Variants in DNAAF9 observed in about 807,000 individuals in gnomAD.
The protein encoded by DNAAF9 is shulin.
A neutral mutation model predicts 167.0 loss-of-function variants in DNAAF9; 90 were observed. That is an observed-to-expected ratio of 0.54 (90% confidence interval 0.45 to 0.64). The LOEUF (loss-of-function observed/expected upper bound fraction) is 0.64, where lower values mean the gene tolerates loss of function less well. Among genes scored for constraint, DNAAF9 ranks in the 30% least tolerant of loss-of-function variants. DNAAF9 has a pLI of 0.00. For missense variants in DNAAF9, 1,315 were observed against 1,442.2 expected (o/e 0.91, Z 1.43); for synonymous variants, 491 against 508.8 (o/e 0.96, Z 0.47).
chr20:3,365,775 T>C (rs1264668689), intron 6 of DNAAF9, among the ~76,000 whole-genome samples: 1 of 152,208 alleles, frequency 6.6e-6, no homozygotes, highest in Non-Finnish European at 1.5e-5. Context: ...ATTAACTAAG[T>C]TTGCAGAATA....
At chr20:3,385,274 A>G (rs1266385836) in intron 1 of DNAAF9, among the ~76,000 whole-genome samples, 1 of 152,154 alleles carries the variant, frequency 6.6e-6, no homozygotes, top group Non-Finnish European at 1.5e-5. Context: ...GACAGAAAGA[A>G]AACTGTTCCT....
intron 29 of DNAAF9, among the ~76,000 whole-genome samples, chr20:3,275,018 G>A (rs2068654917): frequency 1.3e-5 from 2 of 152,348 alleles, no homozygotes; most frequent in South Asian, 4.1e-4. Flanking sequence ...GGCTGCAGAT[G>A]AGGCAGCAAA....
intron 20 of DNAAF9, chr20:3,306,931 G>A: frequency 1.0e-6 from 1 of 985,264 alleles, no homozygotes; most frequent in Non-Finnish European, 1.2e-6. Context: ...GGTAGAAACT[G>A]CTCCTGCTGC....
chr20:3,372,145 T>C (rs2083518627), intron 6 of DNAAF9, among the ~76,000 whole-genome samples: 1 of 152,200 alleles, frequency 6.6e-6, no homozygotes, highest in Non-Finnish European at 1.5e-5. Flanking sequence ...AATTAAGTTA[T>C]TAAGTATAGC....
intron 6 of DNAAF9, among the ~76,000 whole-genome samples, chr20:3,372,888 AG>A (rs2083529691): frequency 6.6e-6 from 1 of 152,242 alleles, no homozygotes; most frequent in Non-Finnish European, 1.5e-5. Context: ...ACTCAGACCT[AG>A]TTCATACAAT....
In DNAAF9 at chr20:3,316,749, C is replaced by T. The variant is rs188316713; in HGVS notation, c.1513G>A (p.Ala505Thr). Residue 505 changes from alanine (A) to threonine (T), a missense_variant, in exon 18 of 37, where the codon GCT (alanine) becomes ACT (threonine). Coordinates refer to ENST00000252032, the MANE Select transcript of DNAAF9 (RefSeq NM_001009984.3). ...AGCCAGGAGCAGAATCTGGGTACAG[C>T]AGCAGTCAGGACTACGGAGCTGGTT... ...TETSSVVLTA[A>T]VPRFCSWLVE... is the part of the protein sequence containing the mutation. The T allele has an allele frequency of 2.0e-5, 33 of 1,613,838 alleles. No homozygotes were observed. The highest frequency in any genetic ancestry group is 1.6e-4 in the Middle Eastern group (1 of 6,062).
chr20:3,281,219 G>C (rs1212913690), intron 28 of DNAAF9, among the ~76,000 whole-genome samples: 3 of 151,702 alleles, frequency 2.0e-5, no homozygotes, highest in African/African-American at 4.9e-5. Flanking sequence ...AGTAGAAATG[G>C]GATTTTGTCA....
Position 3,266,568 on chromosome 20 carries a change from C to G in DNAAF9, c.2787-2044G>C, listed in dbSNP as rs554732700. Reference sequence around the variant, plus strand: ...TCTCGGCCCACTGCAAGCTCCGCCTCCCAGGTTTACGCCATTCTCCTGCCT... The same window carrying G: ...TCTCGGCCCACTGCAAGCTCCGCCTGCCAGGTTTACGCCATTCTCCTGCCT... On this transcript the variant is annotated intron_variant, in intron 30 of 36. Transcript: ENST00000252032. Among the ~76,000 whole-genome samples, 27 of 152,230 alleles carry G rather than the reference C, an allele frequency of 1.8e-4. No homozygotes were observed. In the Middle Eastern group the frequency reaches 0.02, roughly 115 times the overall value.
intron 3 of DNAAF9, among the ~76,000 whole-genome samples, chr20:3,378,875 T>C (rs6084359): frequency 0.74 from 111,484 of 149,820 alleles, 41,723 homozygotes; most frequent in African/African-American, 0.82. Flanking sequence ...GCCCCATGCC[T>C]GTAAGGCCCA....
chr20:3,278,853 T>C, intron 29 of DNAAF9, 59 bp downstream of exon 29: 5 of 1,223,322 alleles, frequency 4.1e-6, no homozygotes, highest in Non-Finnish European at 6.1e-6. Context: ...GAAAAGTCTA[T>C]TGCTGAATTC....
chr20:3,289,186 G>A (rs6037534), intron 26 of DNAAF9, among the ~76,000 whole-genome samples: 38,008 of 151,978 alleles, frequency 0.25, 5,343 homozygotes, highest in African/African-American at 0.37. Flanking sequence ...ACCTCTAAAA[G>A]CTTTTTTAAA....
At chr20:3,263,293 A>G (rs1044135122) in intron 31 of DNAAF9, among the ~76,000 whole-genome samples, 14 of 152,182 alleles carry the variant, frequency 9.2e-5, no homozygotes, top group African/African-American at 3.4e-4. Context: ...TTTGTTACGA[A>G]AAAAGTTGGT....
At chr20:3,401,219 T>G (rs2083978740) in intron 1 of DNAAF9, among the ~76,000 whole-genome samples, 1 of 152,036 alleles carries the variant, frequency 6.6e-6, no homozygotes, top group South Asian at 2.1e-4. Context: ...TTTTTTTTTA[T>G]TTTTGAGACA....
At chr20:3,327,246 A>G (rs1336122040) in intron 12 of DNAAF9, among the ~76,000 whole-genome samples, 1 of 152,106 alleles carries the variant, frequency 6.6e-6, no homozygotes, top group Non-Finnish European at 1.5e-5. Flanking sequence ...TGTCCTGTGC[A>G]TTGTAGGATG....
intron 16 of DNAAF9, 97 bp downstream of exon 16, chr20:3,322,120 G>T: frequency 1.3e-6 from 1 of 795,028 alleles, no homozygotes; most frequent in East Asian, 2.6e-5. Flanking sequence ...CAGGTGGGGT[G>T]GGCTGCCCAA....
chr20:3,387,042 T>C (rs1330659321), intron 1 of DNAAF9, among the ~76,000 whole-genome samples: 1 of 152,202 alleles, frequency 6.6e-6, no homozygotes, highest in East Asian at 1.9e-4. Context: ...AGATACCCTC[T>C]GTTCATGCAT....
At chr20:3,306,741 C>CA (rs1264051757) in intron 20 of DNAAF9, 4 of 183,914 alleles carry the variant, frequency 2.2e-5, no homozygotes, top group Non-Finnish European at 4.1e-5. Flanking sequence ...CCCTCAACCA[C>CA]AACAGGCCAC....
chr20:3,370,877 CT>C (rs1241941456), intron 6 of DNAAF9, among the ~76,000 whole-genome samples: 1 of 152,126 alleles, frequency 6.6e-6, no homozygotes, highest in Non-Finnish European at 1.5e-5. Flanking sequence ...CAAATCTCTT[CT>C]TTGTTTTTCC....
intron 7 of DNAAF9, among the ~76,000 whole-genome samples, chr20:3,352,703 A>G (rs1416987297): frequency 6.6e-6 from 1 of 152,146 alleles, no homozygotes; most frequent in Non-Finnish European, 1.5e-5. Context: ...ACCTGTATCA[A>G]GTGCTTATTA....
Sources: allele counts gnomAD v4.1 joint callset (sites outside exome capture counted in the v4.1 genomes callset), GRCh38; gene constraint gnomAD v4.1.1; transcripts MANE v1.5; gene names NCBI Gene and HGNC (gene_info 2026-07-23, HGNC 2026-07-21).